MYO1G: variants seen among roughly 807,000 people sequenced by gnomAD.
MYO1G encodes myosin IG.
MYO1G carries 65 observed loss-of-function variants against 115.3 expected under a neutral mutation model. The observed-to-expected ratio is 0.56, with a 90% CI of 0.46 to 0.69. The LOEUF is 0.69. Ranked by LOEUF, MYO1G falls within the 30% of genes least tolerant of loss-of-function variation. The pLI, the probability that MYO1G is intolerant of heterozygous loss-of-function variation, is 0.00. For missense variants in MYO1G, 1,204 were observed against 1,393.5 expected (o/e 0.86, Z 2.16); for synonymous variants, 510 against 552.6 (o/e 0.92, Z 1.08).
intron 5 of MYO1G, chr7:44,972,917 G>A (rs766343724): frequency 6.6e-6 from 1 of 152,202 alleles, no homozygotes; most frequent in Non-Finnish European, 1.5e-5. Context: ...TGTTATTCCA[G>A]AGAGCTCCAC....
intron 5 of MYO1G, chr7:44,974,569 T>G: frequency 6.4e-6 from 1 of 156,682 alleles, no homozygotes; most frequent in Non-Finnish European, 1.4e-5. Flanking sequence ...AGTGGGGGAG[T>G]TCGGAGTCTG....
intron 5 of MYO1G, 52 bp downstream of exon 5, chr7:44,975,122 C>T: frequency 3.8e-6 from 6 of 1,580,440 alleles, no homozygotes; most frequent in Non-Finnish European, 5.2e-6. Flanking sequence ...CAGCTTGCTG[C>T]CCTCCCTTTC....
Position 44,966,504 on chromosome 7 carries a change from C to T in MYO1G, c.1949+168G>A. ...ACCTGTATGTCCCCACATGCATGTGCTCACACACATGTCTTCCCAGATATT... is the reference window on the plus strand; with the variant it reads ...ACCTGTATGTCCCCACATGCATGTGTTCACACACATGTCTTCCCAGATATT... On this transcript the variant is annotated intron_variant, in intron 15 of 21. Transcript: ENST00000258787. This position sits in a 1 kb window ranked among gnomAD's most constrained non-coding sequence, Gnocchi z 5.0. The T allele has an allele frequency of 1.1e-6, 1 of 889,420 alleles. No homozygotes were observed. The highest frequency in any genetic ancestry group is 1.8e-6 in the Non-Finnish European group (1 of 553,436). 55.1% of individuals were successfully genotyped at this position (889,420 alleles called of 1,614,324 possible).
At chr7:44,970,789 A>T in intron 8 of MYO1G, 46 bp downstream of exon 8, 1 of 1,613,470 alleles carries the variant, frequency 6.2e-7, no homozygotes, top group Non-Finnish European at 8.5e-7. Flanking sequence ...GGCCTCCCCC[A>T]TGAAGGCCTC....
At chr7:44,974,118 C>T (rs1334332102) in intron 5 of MYO1G, 2 of 150,462 alleles carry the variant, frequency 1.3e-5, no homozygotes, top group Admixed American at 6.6e-5. Context: ...TCCTTACAGA[C>T]ACTGCTGTGT....
At position 44,965,726 on chromosome 7, in the gene MYO1G, C is replaced by G. The variant is rs201440829; in HGVS notation, c.2292G>C (p.Gln764His). Residue 764 changes from glutamine to histidine, a missense_variant, in exon 17 of 22, where the codon CAG becomes CAC. Physicochemically the swap from Gln to His is conservative, Grantham distance 24 (BLOSUM62 0). Coordinates refer to ENST00000258787, the MANE Select transcript of MYO1G (RefSeq NM_033054.3). ...CAAGGTCACGCCCGTAGAGTGGCGG[C>G]TGCCTTGCAGCCTGGAATCGCCGCT... Reference protein sequence around the residue: ...ELQRRFQAARQPPLYGRDLVW... With the variant: ...ELQRRFQAARHPPLYGRDLVW... The G allele has an allele frequency of 3.7e-6, 6 of 1,605,934 alleles. No homozygotes were observed. The highest frequency in any genetic ancestry group is 1.8e-4 in the Middle Eastern group (1 of 5,596).
Position 44,963,088 on chromosome 7 carries a change from G to A in MYO1G, c.2782C>T (p.Leu928=), listed in dbSNP as rs1196343944. The change falls in exon 21 of 22, where the codon CTG becomes TTG. Residue 928 remains leucine, a synonymous_variant. Transcript: ENST00000258787. The surrounding 1 kb of genome is among the most constrained non-coding windows in gnomAD (Gnocchi z 4.1). ...GLSVTSGGDQ[L]VVLHARGQDD... ...TGGCCGCGGGCGTGCAGCACCACCA[G>A]CTGGTCTCCTCCGCTGGTCACGCTC... is the stretch of plus-strand genomic sequence containing the variant. 1 of 1,520,224 alleles carries A rather than the reference G, an allele frequency of 6.6e-7. No individual in the cohort carries two copies. The allele number at this position is 1,520,224 out of a possible 1,614,324, so 94.2% of individuals were successfully genotyped here. A position where few individuals can be genotyped will look rare whatever the true frequency, so the allele number is the denominator to read the frequency against.
Position 44,976,617 on chromosome 7 carries a change from G to A in MYO1G, c.345C>T (p.Ile115=), listed in dbSNP as rs745411631. The part of the protein sequence containing the change: ...GAGKTEASKH[I]MQYIAAVTNP... ...TGGTGACAGCAGCGATGTACTGCAT[G>A]ATGTGCTTACTGGCTTCTGTCTTCC... The change falls in exon 3 of 22, where the codon ATC becomes ATT. Residue 115 remains isoleucine, a synonymous_variant. Transcript: ENST00000258787. 3 of 1,614,134 alleles carry A rather than the reference G, an allele frequency of 1.9e-6. No individual in the cohort carries two copies. The East Asian group carries it at 6.7e-5, about 36-fold the overall frequency.
rs766289135 is a variant in MYO1G at position 44,978,963 on chromosome 7, C to T, written c.-2G>A. 6.2e-7 allele frequency: 1 copy of T among 1,614,010 alleles called. No homozygotes were observed. The highest frequency in any genetic ancestry group is 1.3e-5 in the African/African-American group (1 of 74,950). On this transcript the variant is annotated 5_prime_UTR_variant, in exon 1 of 22. Transcript: ENST00000258787. Reference sequence around the variant, plus strand: ...CTCAGGGCCTTCCTCGTCCTCCATCCTGCCGGCTGGAAACACCTTGCCTCA... The same window carrying T: ...CTCAGGGCCTTCCTCGTCCTCCATCTTGCCGGCTGGAAACACCTTGCCTCA...
chr7:44,968,010 G>C, intron 12 of MYO1G, 52 bp from the exon 13 acceptor site: 1 of 1,494,362 alleles, frequency 6.7e-7, no homozygotes, highest in Non-Finnish European at 9.3e-7. Flanking sequence ...TGCCAGGCCA[G>C]AGTGCTAATG....
At chr7:44,976,276 G>A (rs188100891) in intron 3 of MYO1G, among the ~76,000 whole-genome samples, 5 of 152,312 alleles carry the variant, frequency 3.3e-5, no homozygotes, top group Non-Finnish European at 7.4e-5. Flanking sequence ...GCATCTCTGG[G>A]CCCTGCTGCA....
Position 44,969,686 on chromosome 7 carries a change from C to G in MYO1G, c.1503+19G>C. The G allele has an allele frequency of 1.2e-6, 2 of 1,609,744 alleles. No homozygotes were observed. Among genetic ancestry groups the G allele is most frequent in the Non-Finnish European group, 1.7e-6 (2 of 1,179,434 alleles). Reference sequence around the variant, plus strand: ...GTCCCACCAGCCCACTGTGGTGGCACTGGGACAGCCGGGGGCACCTGGCGG... The same window carrying G: ...GTCCCACCAGCCCACTGTGGTGGCAGTGGGACAGCCGGGGGCACCTGGCGG... On this transcript the variant is annotated intron_variant, in intron 11 of 21. Transcript: ENST00000258787. The surrounding 1 kb of genome is among the most constrained non-coding windows in gnomAD (Gnocchi z 5.0).
intron 5 of MYO1G, chr7:44,974,175 G>C (rs1362132086): frequency 2.7e-5 from 4 of 150,520 alleles, no homozygotes; most frequent in Admixed American, 6.6e-5. Context: ...TGAAGACACT[G>C]CCGTGTCCCA....
At position 44,970,040 on chromosome 7, in the gene MYO1G, G is replaced by A. The variant is rs764848508; in HGVS notation, c.1332C>T (p.Ser444=). 7.5e-5 allele frequency: 121 copies of A among 1,613,106 alleles called. No individual in the cohort carries two copies. Among genetic ancestry groups the A allele is most frequent in the Non-Finnish European group, 9.0e-5 (106 of 1,179,480 alleles). ...CCTCCCTCCAGGCCACAGTGCTCACGCTCTGCCAGGTGATGCCCTCGCGCT... is the reference window on the plus strand; with the variant it reads ...CCTCCCTCCAGGCCACAGTGCTCACACTCTGCCAGGTGATGCCCTCGCGCT... ...EYEREGITWQ[S]VEYFNNATIV... The change falls in exon 10 of 22, where the codon AGC becomes AGT. Residue 444 remains serine (S), a splice_region_variant and synonymous_variant. Coordinates refer to ENST00000258787, the MANE Select transcript of MYO1G (RefSeq NM_033054.3).
chr7:44,972,127 C>G lies in MYO1G; in HGVS notation c.717G>C (p.Met239Ile). 6.2e-7 allele frequency: 1 copy of G among 1,613,730 alleles called. No individual in the cohort carries two copies. Among genetic ancestry groups the G allele is most frequent in the Non-Finnish European group, 8.5e-7 (1 of 1,179,660 alleles). The change falls in exon 6 of 22, where the codon ATG becomes ATC. Residue 239 changes from methionine to isoleucine, a missense_variant. Transcript: ENST00000258787. Reference sequence around the variant, plus strand: ...CCCTCACACTCACACTGTGCACAGTCATGTTGAGTCCTGCTCCCTGGTGTG... The same window carrying G: ...CCCTCACACTCACACTGTGCACAGTGATGTTGAGTCCTGCTCCCTGGTGTG... ...NFTHQGAGLN[M>I]TVHSALDSDE... is the part of the protein sequence containing the mutation.
At chr7:44,965,318 C>T (rs1794820484) in intron 17 of MYO1G, among the ~76,000 whole-genome samples, 1 of 152,254 alleles carries the variant, frequency 6.6e-6, no homozygotes, top group Non-Finnish European at 1.5e-5. Flanking sequence ...ATGCTCTGTG[C>T]CCCTCCTTCT....
chr7:44,964,348 T>C lies in MYO1G; in HGVS notation c.2631+67A>G. 2.7e-6 allele frequency: 4 copies of C among 1,506,586 alleles called. No individual in the cohort carries two copies. Among genetic ancestry groups the C allele is most frequent in the Non-Finnish European group, 3.7e-6 (4 of 1,083,248 alleles). 93.3% of individuals were successfully genotyped at this position (1,506,586 alleles called of 1,614,324 possible). The stretch of plus-strand genomic sequence containing the variant: ...TGCCCCCCCAAAACTCTGCACCAGC[T>C]TCTAACCTTGCAGACGTGGCTAGAA... On this transcript the variant is annotated intron_variant, in intron 19 of 21. Transcript: ENST00000258787. This position sits in a 1 kb window ranked among gnomAD's most constrained non-coding sequence, Gnocchi z 5.1.
chr7:44,971,794 G>A lies in MYO1G; in HGVS notation c.730-5C>T. 1 of 1,551,036 alleles carries A rather than the reference G, an allele frequency of 6.4e-7. No homozygotes were observed. The highest frequency in any genetic ancestry group is 8.7e-7 in the Non-Finnish European group (1 of 1,145,014). ...CTGCTCATCACTGTCCAAGGCCTAG[G>A]GTAGAAGGGATTCATCACTCCAAAG... On this transcript the variant is annotated splice_region_variant and splice_polypyrimidine_tract_variant and intron_variant, in intron 6 of 21. Coordinates refer to ENST00000258787, the MANE Select transcript of MYO1G (RefSeq NM_033054.3).
chr7:44,970,005 C>A, intron 10 of MYO1G, 35 bp downstream of exon 10: 3 of 1,605,896 alleles, frequency 1.9e-6, no homozygotes, highest in Non-Finnish European at 2.6e-6. Flanking sequence ...CTCCACACCC[C>A]ACTGCCTGGC....
Sources: gnomAD v4.1 joint callset for allele counts (sites outside exome capture counted in the v4.1 genomes callset) on GRCh38, gnomAD v4.1.1 for gene constraint, Gnocchi (gnomAD v3.1) non-coding constraint, MANE v1.5 for transcripts, NCBI Gene and HGNC (gene_info 2026-07-23, HGNC 2026-07-21) for gene names.